Variants in ATP2C2 observed in about 807,000 individuals in gnomAD.
ATP2C2 encodes the protein calcium-transporting ATPase type 2C member 2.
A neutral mutation model predicts 110.8 loss-of-function variants in ATP2C2; 171 were observed. The ratio of observed to expected loss-of-function variants is 1.54; its 90% CI spans 1.36 to 1.75. The LOEUF is 1.75. Ranked by LOEUF, ATP2C2 falls within the 40% of genes most tolerant of loss-of-function variation. ATP2C2 has a pLI of 0.00. For synonymous variants in ATP2C2, 804 were observed against 508.4 expected, an observed-to-expected ratio of 1.58 and a Z score of -7.82; for missense variants, 1,963 against 1,235.0, an observed-to-expected ratio of 1.59 and a Z score of -8.84.
chr16:84,432,502 C>T (rs1443342944), intron 11 of ATP2C2, among the ~76,000 whole-genome samples: 1 of 151,814 alleles, frequency 6.6e-6, no homozygotes. Flanking sequence ...TCAACTCCCA[C>T]TTAGGAGTGA....
rs756309929 is a variant in ATP2C2 at position 84,415,552 on chromosome 16, G to T, written c.585G>T (p.Ser195=). ...TTCCTGGTGATGTCGTATCTCTCTC[G>T]ATCGGAGACCGGATCCCTGCAGACA... is the stretch of plus-strand genomic sequence containing the variant. The part of the protein sequence containing the change: ...ELVPGDVVSL[S]IGDRIPADIR... The change falls in exon 7 of 27, where the codon TCG becomes TCT. Residue 195 remains serine, a synonymous_variant. Transcript: ENST00000262429. The T allele has an allele frequency of 6.2e-7, 1 of 1,614,072 alleles. No homozygotes were observed. Among genetic ancestry groups the T allele is most frequent in the Non-Finnish European group, 8.5e-7 (1 of 1,179,984 alleles).
chr16:84,382,764 C>T (rs568445091), intron 1 of ATP2C2, among the ~76,000 whole-genome samples: 10 of 152,200 alleles, frequency 6.6e-5, no homozygotes, highest in African/African-American at 1.4e-4. Flanking sequence ...GGCATGGTGG[C>T]GGGTGCCTGT....
rs1910985698 is a variant in ATP2C2 at position 84,459,120 on chromosome 16, G to C, written c.2148G>C (p.Met716Ile). ...AGTAAATGGCTCTCTTCTCTTGCAGGAATGCAGTGGAGGAAGGCAAGGGTA... is the reference window on the plus strand; with the variant it reads ...AGTAAATGGCTCTCTTCTCTTGCAGCAATGCAGTGGAGGAAGGCAAGGGTA... ...ILVDDDFSAI[M>I]NAVEEGKGIF... Residue 716 changes from methionine (M) to isoleucine (I), a missense_variant and splice_region_variant, in exon 22 of 27, where the codon ATG becomes ATC. Transcript: ENST00000262429. 1 of 1,614,144 alleles carries C rather than the reference G, an allele frequency of 6.2e-7. No individual in the cohort carries two copies.
chr16:84,406,605 G>C (rs1010044827), intron 3 of ATP2C2: 2 of 985,462 alleles, frequency 2.0e-6, no homozygotes, highest in African/African-American at 3.5e-5. Context: ...AGTGTTCTGG[G>C]AATGTTATTC....
chr16:84,452,678 T>C (rs1475758168), intron 18 of ATP2C2, among the ~76,000 whole-genome samples: 1 of 152,074 alleles, frequency 6.6e-6, no homozygotes, highest in East Asian at 1.9e-4. Flanking sequence ...TTTTGTATTT[T>C]AGTAGAGACG....
intron 20 of ATP2C2, among the ~76,000 whole-genome samples, chr16:84,454,153 G>A (rs568132812): frequency 1.1e-4 from 17 of 152,138 alleles, no homozygotes; most frequent in East Asian, 3.9e-4. Flanking sequence ...CCGTGCCTCC[G>A]TTTCCTCATC....
chr16:84,461,346 C>T (rs1795949284), intron 24 of ATP2C2: 1 of 345,908 alleles, frequency 2.9e-6, no homozygotes. Flanking sequence ...CATTTTCCCT[C>T]CAGCTCTCCC....
chr16:84,414,448 G>A (rs1022352675), intron 6 of ATP2C2, among the ~76,000 whole-genome samples: 1 of 152,094 alleles, frequency 6.6e-6, no homozygotes, highest in African/African-American at 2.4e-5. Context: ...ACACGCAAAG[G>A]CCCTATAGAA....
chr16:84,452,645 C>T (rs185079313), intron 18 of ATP2C2, among the ~76,000 whole-genome samples: 1 of 152,044 alleles, frequency 6.6e-6, no homozygotes, highest in African/African-American at 2.4e-5. Flanking sequence ...ACTACAGGCA[C>T]CCACCACCGC....
intron 17 of ATP2C2, among the ~76,000 whole-genome samples, chr16:84,449,281 G>A (rs955962038): frequency 6.6e-6 from 1 of 152,242 alleles, no homozygotes; most frequent in Non-Finnish European, 1.5e-5. Flanking sequence ...AACAGAGTTT[G>A]TAGGTTGCTG....
In ATP2C2 at chr16:84,459,194, T is replaced by C. The variant is rs1910996085; in HGVS notation, c.2216+6T>C. ...GTCCGATTCCAGCTGAGCACGTAAG[T>C]AGAGGCCAGCATTCCGAGTGTCATT... On this transcript the variant is annotated splice_donor_region_variant and intron_variant, in intron 22 of 26. Transcript: ENST00000262429. 6.2e-7 allele frequency: 1 copy of C among 1,614,238 alleles called. No homozygotes were observed. Among genetic ancestry groups the C allele is most frequent in the Non-Finnish European group, 8.5e-7 (1 of 1,180,042 alleles).
rs188948554 is a variant in ATP2C2 at position 84,438,996 on chromosome 16, G to C, written c.987-170G>C. On this transcript the variant is annotated intron_variant, in intron 11 of 26. Transcript: ENST00000262429. Reference sequence around the variant, plus strand: ...CTGCAGGGGAGGGCTCAGGACAGTGGGTGCTGCAGAAGGAGGCAGGTGCAC... The same window carrying C: ...CTGCAGGGGAGGGCTCAGGACAGTGCGTGCTGCAGAAGGAGGCAGGTGCAC... The C allele has an allele frequency of 3.1e-6, 3 of 953,094 alleles. No individual in the cohort carries two copies. In the Admixed American group the frequency reaches 7.6e-5, roughly 24 times the overall value. The allele number at this position is 953,094 out of a possible 1,614,324, so 59.0% of individuals were successfully genotyped here.
At chr16:84,455,030 G>C (rs767024278) in intron 21 of ATP2C2, 46 bp downstream of exon 21, 3 of 1,517,000 alleles carry the variant, frequency 2.0e-6, no homozygotes, top group Admixed American at 1.8e-5. Flanking sequence ...AATGCCTGGG[G>C]TCACCAGCTT....
Position 84,461,766 on chromosome 16 carries a change from G to C in ATP2C2, c.2534G>C (p.Cys845Ser), listed in dbSNP as rs1040587091. Residue 845 changes from cysteine (C) to serine (S), a missense_variant, in exon 25 of 27, where the codon TGT becomes TCT. By Grantham distance (112) the Cys-to-Ser change is moderately radical (BLOSUM62 -1). Coordinates refer to ENST00000262429, the MANE Select transcript of ATP2C2 (RefSeq NM_014861.4). ...TPRTTTMTFTCFVFFDLFNAL... is the reference protein window; with the variant it reads ...TPRTTTMTFTSFVFFDLFNAL... ...CGCACCACGACGATGACGTTCACTT[G>C]TTTTGTGTTTTTCGATCTCTTCAAC... The C allele has an allele frequency of 6.2e-7, 1 of 1,614,218 alleles. No individual in the cohort carries two copies. Among genetic ancestry groups the C allele is most frequent in the African/African-American group, 1.3e-5 (1 of 75,054 alleles).
intron 20 of ATP2C2, among the ~76,000 whole-genome samples, chr16:84,454,102 A>G (rs1910570171): frequency 6.6e-6 from 1 of 152,044 alleles, no homozygotes; most frequent in Non-Finnish European, 1.5e-5. Flanking sequence ...TCGCCTCCCA[A>G]AGTGCTGGGT....
intron 1 of ATP2C2, among the ~76,000 whole-genome samples, chr16:84,378,886 C>A (rs74038515): frequency 0.16 from 24,773 of 152,136 alleles, 2,440 homozygotes; most frequent in East Asian, 0.41. Flanking sequence ...GCTGGAGACA[C>A]CAGCAAGCTC....
Position 84,442,592 on chromosome 16 carries a change from C to T in ATP2C2, c.1394C>T (p.Ala465Val), listed in dbSNP as rs775838324. 91 of 1,613,822 alleles carry T rather than the reference C, an allele frequency of 5.6e-5. No individual in the cohort carries two copies. The South Asian group carries it at 7.9e-4, about 14-fold the overall frequency. The change falls in exon 15 of 27, where the codon GCG becomes GTG. Residue 465 changes from alanine (A) to valine (V), a missense_variant. Ala to Val is a moderately conservative substitution (Grantham distance 64). Coordinates refer to ENST00000262429, the MANE Select transcript of ATP2C2 (RefSeq NM_014861.4). ...ACCGAGGGTGCATTGATGGCCCTGG[C>T]GATGAAGGTAGGAGGTCCTGGGGTG... ...QPTEGALMAL[A>V]MKMDLSDIKN... is the part of the protein sequence containing the mutation.
rs182815381 is a variant in ATP2C2, at chr16:84,390,013, A to G, written c.100-8486A>G. 4.8e-3 allele frequency among the ~76,000 whole-genome samples: 732 copies of G among 152,146 alleles called. 4 individuals carry two copies. Among genetic ancestry groups the G allele is most frequent in the African/African-American group, 0.017 (696 of 41,516 alleles). On this transcript the variant is annotated intron_variant, in intron 1 of 26. Transcript: ENST00000262429. ...GCTGGGATTACAGGCCTGAGCCACC[A>G]TGTCCAGTCTCACTTTCCTTTATCC...
intron 15 of ATP2C2, among the ~76,000 whole-genome samples, chr16:84,446,025 T>A (rs1909716764): frequency 6.6e-6 from 1 of 152,218 alleles, no homozygotes. Flanking sequence ...TCTGAGAAAT[T>A]GCTACACCTT....
Sources: allele counts gnomAD v4.1 joint callset (sites outside exome capture counted in the v4.1 genomes callset), GRCh38; gene constraint gnomAD v4.1.1; transcripts MANE v1.5; gene names NCBI Gene and HGNC (gene_info 2026-07-23, HGNC 2026-07-21).